The following C12orf42 variants were observed in gnomAD, a reference collection of about 807,000 sequenced individuals.
C12orf42 encodes the protein chromosome 12 open reading frame 42, also known as uncharacterized protein C12orf42.
In C12orf42, 25 loss-of-function variants were observed where a neutral mutation model predicts 21.6. The observed-to-expected ratio is 1.16, with a 90% CI of 0.84 to 1.62. The LOEUF (loss-of-function observed/expected upper bound fraction) is 1.62. Among genes scored for constraint, C12orf42 ranks in the 40% most tolerant of loss-of-function variants. C12orf42 has a pLI of 0.00. For missense variants in C12orf42, 483 were observed against 459.3 expected, an observed-to-expected ratio of 1.05 and a Z score of -0.47; for synonymous variants, 174 against 175.0, an observed-to-expected ratio of 0.99 and a Z score of 0.05.
chr12:103,506,851 TTA>T, the C12orf42 span, among the ~76,000 whole-genome samples: 1 of 68,458 alleles, frequency 1.5e-5, no homozygotes. Context: ...ATATATATAT[TTA>T]TATATTATAT....
the C12orf42 span, among the ~76,000 whole-genome samples, chr12:103,175,252 A>G: frequency 3.9e-5 from 6 of 152,206 alleles, 1 homozygote; most frequent in Admixed American, 2.6e-4. Flanking sequence ...TATTCTATAT[A>G]TAATCTCTAA....
the C12orf42 span, among the ~76,000 whole-genome samples, chr12:103,135,899 A>G: frequency 6.6e-6 from 1 of 152,336 alleles, no homozygotes; most frequent in Admixed American, 6.5e-5. Flanking sequence ...ACATTGGTGG[A>G]ACATACTTTA....
chr12:103,498,871 G>C (rs1236439962), upstream of C12orf42, among the ~76,000 whole-genome samples: 2 of 151,706 alleles, frequency 1.3e-5, no homozygotes, highest in African/African-American at 2.4e-5. Flanking sequence ...GGGCCTGTTG[G>C]GGGGTGGGGT....
chr12:103,541,208 T>C, the C12orf42 span, among the ~76,000 whole-genome samples: 1 of 152,196 alleles, frequency 6.6e-6, no homozygotes, highest in Non-Finnish European at 1.5e-5. Flanking sequence ...CCAGCTAATT[T>C]TTTTCTTTAT....
At chr12:103,360,351 G>A (rs1375502272) in intron 4 of C12orf42, among the ~76,000 whole-genome samples, 1 of 151,578 alleles carries the variant, frequency 6.6e-6, no homozygotes, top group Admixed American at 6.6e-5. Context: ...CTGTCCTAAG[G>A]ATGACTCCTA....
the C12orf42 span, among the ~76,000 whole-genome samples, chr12:103,226,184 G>A: frequency 5.3e-5 from 8 of 152,226 alleles, no homozygotes; most frequent in African/African-American, 1.7e-4. Flanking sequence ...ATGCCTGGCT[G>A]CTGCGGTTCA....
chr12:103,217,353 C>CA, the C12orf42 span, among the ~76,000 whole-genome samples: 5 of 151,680 alleles, frequency 3.3e-5, no homozygotes, highest in Admixed American at 6.6e-5. Flanking sequence ...CCTGTCTTTA[C>CA]AAAAAAACAC....
chr12:103,520,970 T>C, the C12orf42 span, among the ~76,000 whole-genome samples: 1 of 152,358 alleles, frequency 6.6e-6, no homozygotes, highest in Middle Eastern at 3.4e-3. Context: ...GTGAGAGGCT[T>C]TTATGCTGAC....
chr12:103,088,459 G>A, the C12orf42 span, among the ~76,000 whole-genome samples: 1 of 152,148 alleles, frequency 6.6e-6, no homozygotes, highest in Non-Finnish European at 1.5e-5. Context: ...ACTGATATGT[G>A]GAGAATTAAC....
intron 2 of C12orf42, among the ~76,000 whole-genome samples, chr12:103,467,446 C>T (rs933389092): frequency 5.3e-5 from 8 of 152,088 alleles, no homozygotes; most frequent in Non-Finnish European, 1.2e-4. Flanking sequence ...GGAACTGTTC[C>T]CATCTCCAGA....
At chr12:103,538,397 C>T in the C12orf42 span, among the ~76,000 whole-genome samples, 2 of 152,184 alleles carry the variant, frequency 1.3e-5, no homozygotes, top group Non-Finnish European at 2.9e-5. Context: ...CAGCATTCAT[C>T]CCCAATCCTT....
At chr12:103,222,766 C>A in the C12orf42 span, among the ~76,000 whole-genome samples, 1 of 151,860 alleles carries the variant, frequency 6.6e-6, no homozygotes, top group Non-Finnish European at 1.5e-5. Flanking sequence ...GCAATTTCTC[C>A]TATCTCTGTA....
chr12:103,265,873 C>A (rs1369526395), downstream of C12orf42, among the ~76,000 whole-genome samples: 1 of 151,988 alleles, frequency 6.6e-6, no homozygotes, highest in Non-Finnish European at 1.5e-5. Context: ...TAACTATTAA[C>A]TGCCATCTTG....
the C12orf42 span, among the ~76,000 whole-genome samples, chr12:103,207,915 T>G: frequency 4.6e-5 from 7 of 152,198 alleles, no homozygotes; most frequent in African/African-American, 1.7e-4. Flanking sequence ...GGCTTCATTT[T>G]TAACTTGCTT....
intron 4 of C12orf42, among the ~76,000 whole-genome samples, chr12:103,333,734 TA>T (rs888429057): frequency 4.2e-4 from 62 of 147,628 alleles, no homozygotes; most frequent in African/African-American, 4.4e-4. Flanking sequence ...TGTAAAAAGA[TA>T]AAAAAAAAAA....
chr12:103,539,096 G>A, the C12orf42 span, among the ~76,000 whole-genome samples: 1 of 152,150 alleles, frequency 6.6e-6, no homozygotes, highest in African/African-American at 2.4e-5. Flanking sequence ...TAACATTTAT[G>A]GATCCCATCA....
chr12:103,057,587 T>C, the C12orf42 span, among the ~76,000 whole-genome samples: 1 of 152,194 alleles, frequency 6.6e-6, no homozygotes, highest in Non-Finnish European at 1.5e-5. Flanking sequence ...ACATTTTCTT[T>C]ATCTAGTCTA....
the C12orf42 span, among the ~76,000 whole-genome samples, chr12:103,116,381 A>AAAAAAATATATATATAT: frequency 7.3e-6 from 1 of 136,712 alleles, no homozygotes; most frequent in African/African-American, 2.7e-5. Context: ...AAAAAAAAAA[A>AAAAAAATATATATATAT]ATATATATAT....
chr12:103,223,164 A>T, the C12orf42 span, among the ~76,000 whole-genome samples: 2 of 152,048 alleles, frequency 1.3e-5, no homozygotes, highest in African/African-American at 4.8e-5. Context: ...AAAACAAAAT[A>T]GTGTTGAAGT....
Sources: allele counts gnomAD v4.1 joint callset (sites outside exome capture counted in the v4.1 genomes callset), GRCh38; gene constraint gnomAD v4.1.1; transcripts MANE v1.5; gene names NCBI Gene and HGNC (gene_info 2026-07-23, HGNC 2026-07-21).